Variants in DPP10 observed in about 807,000 individuals in gnomAD.
DPP10 encodes the protein inactive dipeptidyl peptidase 10.
In DPP10, 33 loss-of-function variants were observed where a neutral mutation model predicts 120.9. The observed-to-expected ratio is 0.27, with a 90% CI of 0.21 to 0.37. The LOEUF is 0.37. Ranked by LOEUF, DPP10 falls within the 10% of genes least tolerant of loss-of-function variation. DPP10 has a pLI of 1.00. For synonymous variants in DPP10, 337 were observed against 326.1 expected, an observed-to-expected ratio of 1.03 and a Z score of -0.36; for missense variants, 816 against 942.8, an observed-to-expected ratio of 0.87 and a Z score of 1.76.
At chr2:115,157,827 G>A (rs2052026050) in intron 1 of DPP10, among the ~76,000 whole-genome samples, 1 of 152,198 alleles carries the variant, frequency 6.6e-6, no homozygotes, top group Non-Finnish European at 1.5e-5. Context: ...TCTTGATGCT[G>A]TGCTCATTAT....
At chr2:115,777,115 A>G (rs989403693) in intron 13 of DPP10, 93 bp from the exon 14 acceptor site, 1 of 1,070,876 alleles carries the variant, frequency 9.3e-7, no homozygotes, top group Non-Finnish European at 1.4e-6. Context: ...GAATTAGAGA[A>G]TTCGAAGTGT....
intron 1 of DPP10, among the ~76,000 whole-genome samples, chr2:114,482,923 C>G (rs1476424624): frequency 6.6e-6 from 1 of 152,194 alleles, no homozygotes; most frequent in African/African-American, 2.4e-5. Flanking sequence ...TCCACAACAT[C>G]TGCATATTTG....
chr2:114,974,123 A>G (rs1208192950), intron 1 of DPP10, among the ~76,000 whole-genome samples: 1 of 152,184 alleles, frequency 6.6e-6, no homozygotes, highest in African/African-American at 2.4e-5. Context: ...AATAAAGCCT[A>G]GGTGTGCAGT....
chr2:115,409,710 G>A (rs1318500089), intron 3 of DPP10, among the ~76,000 whole-genome samples: 1 of 152,176 alleles, frequency 6.6e-6, no homozygotes, highest in East Asian at 1.9e-4. Flanking sequence ...ACACATGCAT[G>A]CACATGTTTA....
chr2:114,873,297 G>T (rs1558830360), intron 1 of DPP10, among the ~76,000 whole-genome samples: 1 of 152,132 alleles, frequency 6.6e-6, no homozygotes, highest in Non-Finnish European at 1.5e-5. Context: ...TGATGAAATG[G>T]CAGAGGATAT....
intron 5 of DPP10, among the ~76,000 whole-genome samples, chr2:115,556,751 T>C (rs531683009): frequency 6.6e-6 from 1 of 152,268 alleles, no homozygotes; most frequent in East Asian, 1.9e-4. Flanking sequence ...TGGTGACATC[T>C]AATATTTTCT....
chr2:114,561,193 C>G (rs1688735839), intron 1 of DPP10, among the ~76,000 whole-genome samples: 1 of 152,172 alleles, frequency 6.6e-6, no homozygotes, highest in Admixed American at 6.5e-5. Flanking sequence ...CATGTCTGAC[C>G]TCTCCAAATA....
At chr2:114,796,498 G>A (rs899901380) in intron 1 of DPP10, among the ~76,000 whole-genome samples, 11 of 151,824 alleles carry the variant, frequency 7.2e-5, no homozygotes, top group African/African-American at 2.7e-4. Flanking sequence ...TACAAAATAT[G>A]TGTTAGTCAA....
At chr2:115,408,239 A>G (rs2068675982) in intron 3 of DPP10, among the ~76,000 whole-genome samples, 1 of 152,118 alleles carries the variant, frequency 6.6e-6, no homozygotes, top group Non-Finnish European at 1.5e-5. Context: ...CTTTCCCAGG[A>G]ACAGGAGAGG....
chr2:115,167,176 T>C (rs2052939403), intron 1 of DPP10, among the ~76,000 whole-genome samples: 1 of 151,688 alleles, frequency 6.6e-6, no homozygotes, highest in Non-Finnish European at 1.5e-5. Flanking sequence ...TGAAATAATA[T>C]GTAGGAGTTT....
intron 2 of DPP10, among the ~76,000 whole-genome samples, chr2:115,337,795 C>G (rs1262840152): frequency 6.6e-6 from 1 of 150,552 alleles, no homozygotes; most frequent in African/African-American, 2.4e-5. Flanking sequence ...TTCAAGAGAC[C>G]TCAGGGTAGG....
intron 1 of DPP10, among the ~76,000 whole-genome samples, chr2:115,138,912 C>T (rs1466669040): frequency 1.3e-5 from 2 of 152,092 alleles, no homozygotes; most frequent in Non-Finnish European, 2.9e-5. Flanking sequence ...ATTCTGATTG[C>T]TTACACCTGG....
At chr2:114,718,403 A>T (rs1390702644) in intron 1 of DPP10, among the ~76,000 whole-genome samples, 3 of 145,034 alleles carry the variant, frequency 2.1e-5, no homozygotes, top group Admixed American at 2.0e-4. Flanking sequence ...TCTGTTTGAA[A>T]AAAAAAAAAA....
At position 115,777,818 on chromosome 2, in the gene DPP10, G is replaced by A. The variant is rs1682293707; in HGVS notation, c.1345G>A (p.Gly449Arg). ...TCTGAGCACTGAATCTTCTCCCAGAGGAAGGCAGCTGTACAGGTAAGCAGT... is the reference window on the plus strand; with the variant it reads ...TCTGAGCACTGAATCTTCTCCCAGAAGAAGGCAGCTGTACAGGTAAGCAGT... ...YFLSTESSPR[G>R]RQLYSASTEG... Residue 449 changes from glycine to arginine, a missense_variant, in exon 15 of 26, where the codon GGA becomes AGA. Transcript: ENST00000410059. 1 of 1,613,250 alleles carries A rather than the reference G, an allele frequency of 6.2e-7. No homozygotes were observed. Among genetic ancestry groups the A allele is most frequent in the Non-Finnish European group, 8.5e-7 (1 of 1,179,446 alleles).
intron 1 of DPP10, among the ~76,000 whole-genome samples, chr2:115,191,249 C>T (rs1006704369): frequency 5.3e-5 from 8 of 152,194 alleles, no homozygotes; most frequent in East Asian, 1.9e-4. Context: ...CCTTGCTCTT[C>T]GGTGTTTTAC....
intron 1 of DPP10, among the ~76,000 whole-genome samples, chr2:115,026,363 T>C (rs1304323041): frequency 6.6e-6 from 1 of 152,128 alleles, no homozygotes. Flanking sequence ...CCTTATTCTG[T>C]TCCATTGGTC....
intron 5 of DPP10, among the ~76,000 whole-genome samples, chr2:115,568,810 A>G (rs1213127826): frequency 6.6e-6 from 1 of 152,128 alleles, no homozygotes; most frequent in African/African-American, 2.4e-5. Context: ...TTGTCACCTA[A>G]AATACACTTT....
At chr2:114,668,300 G>A (rs903325324) in intron 1 of DPP10, among the ~76,000 whole-genome samples, 4 of 152,100 alleles carry the variant, frequency 2.6e-5, no homozygotes, top group African/African-American at 4.8e-5. Context: ...GTTTAAAAAT[G>A]TGAGAACCAG....
chr2:115,158,714 G>T (rs942487763), intron 1 of DPP10, among the ~76,000 whole-genome samples: 5 of 152,106 alleles, frequency 3.3e-5, no homozygotes, highest in Non-Finnish European at 5.9e-5. Flanking sequence ...TTATATGAAT[G>T]TTATAAAATG....
Sources: allele counts gnomAD v4.1 joint callset (sites outside exome capture counted in the v4.1 genomes callset), GRCh38; gene constraint gnomAD v4.1.1; transcripts MANE v1.5; gene names NCBI Gene and HGNC (gene_info 2026-07-23, HGNC 2026-07-21).